TMEM132E: variants seen among roughly 807,000 people sequenced by gnomAD.
TMEM132E encodes transmembrane protein 132E.
Under a neutral mutation model 78.5 loss-of-function variants are expected in TMEM132E, and 49 were observed. The observed-to-expected ratio is 0.62, with a 90% CI of 0.50 to 0.79. TMEM132E has a LOEUF of 0.79. Among genes scored for constraint, TMEM132E ranks in the 30% least tolerant of loss-of-function variants. TMEM132E has a pLI of 0.00. For missense variants in TMEM132E, 1,403 were observed against 1,470.9 expected, an observed-to-expected ratio of 0.95 and a Z score of 0.75; for synonymous variants, 715 against 670.6, an observed-to-expected ratio of 1.07 and a Z score of -1.02.
chr17:34,610,629 G>C (rs1164573146), intron 1 of TMEM132E, among the ~76,000 whole-genome samples: 2 of 152,234 alleles, frequency 1.3e-5, no homozygotes, highest in Non-Finnish European at 2.9e-5. Flanking sequence ...CCGGTGCAAA[G>C]CAGCTGGTGT....
chr17:34,604,993 C>G (rs1906365112), intron 1 of TMEM132E, among the ~76,000 whole-genome samples: 1 of 152,132 alleles, frequency 6.6e-6, no homozygotes, highest in Non-Finnish European at 1.5e-5. Context: ...TTTATCTGAG[C>G]CCAAAACTTA....
At chr17:34,621,815 C>T (rs543661326) in intron 1 of TMEM132E, among the ~76,000 whole-genome samples, 216 of 147,586 alleles carry the variant, frequency 1.5e-3, no homozygotes, top group Non-Finnish European at 2.4e-3. Flanking sequence ...CAGGTGCCAG[C>T]CTGTGTGTGT....
intron 1 of TMEM132E, among the ~76,000 whole-genome samples, chr17:34,609,622 G>A (rs1015146686): frequency 5.9e-5 from 9 of 152,184 alleles, no homozygotes; most frequent in Admixed American, 3.9e-4. Context: ...AGGAGACAAA[G>A]ACAAGCACCA....
At chr17:34,605,415 C>T (rs1281465884) in intron 1 of TMEM132E, among the ~76,000 whole-genome samples, 1 of 152,128 alleles carries the variant, frequency 6.6e-6, no homozygotes, top group African/African-American at 2.4e-5. Flanking sequence ...GAAGGCCTTC[C>T]CTCACCATCC....
chr17:34,606,143 G>A (rs1361511766), intron 1 of TMEM132E, among the ~76,000 whole-genome samples: 7 of 152,050 alleles, frequency 4.6e-5, no homozygotes, highest in African/African-American at 7.2e-5. Flanking sequence ...TCAGGAGTTC[G>A]AGACCAGCCT....
At chr17:34,610,476 C>T (rs1906552294) in intron 1 of TMEM132E, among the ~76,000 whole-genome samples, 1 of 152,166 alleles carries the variant, frequency 6.6e-6, no homozygotes. Context: ...AGAAAAAATA[C>T]AGAATGACAG....
At chr17:34,585,120 A>C (rs543048695) in intron 1 of TMEM132E, among the ~76,000 whole-genome samples, 1 of 152,212 alleles carries the variant, frequency 6.6e-6, no homozygotes, top group Non-Finnish European at 1.5e-5. Flanking sequence ...TTCTGGCCAC[A>C]TGCAGCCGTA....
At chr17:34,602,788 T>A (rs919648886) in intron 1 of TMEM132E, among the ~76,000 whole-genome samples, 1 of 152,142 alleles carries the variant, frequency 6.6e-6, no homozygotes, top group African/African-American at 2.4e-5. Flanking sequence ...AGGAGAGAAT[T>A]AGCTGAGTTT....
rs1907567824 is a variant in TMEM132E at position 34,637,540 on chromosome 17, C to G, written c.2533C>G (p.Pro845Ala). 1.9e-6 allele frequency: 3 copies of G among 1,597,486 alleles called. No homozygotes were observed. The highest frequency in any genetic ancestry group is 2.7e-5 in the African/African-American group (2 of 74,556). The change falls in exon 9 of 9, where the codon CCG becomes GCG. Residue 845 changes from proline (P) to alanine (A), a missense_variant. Coordinates refer to ENST00000631683, the MANE Select transcript of TMEM132E (RefSeq NM_001304438.2). ...GGACGAGGCCCGGGGAGCTGGCCCG[C>G]CGGGCTCTGCGCTACCCGCACCGGA... The part of the protein sequence containing the change: ...GEDEARGAGP[P>A]GSALPAPEAP...
intron 1 of TMEM132E, among the ~76,000 whole-genome samples, chr17:34,591,876 CCT>C (rs1344083328): frequency 1.3e-5 from 2 of 152,244 alleles, no homozygotes; most frequent in East Asian, 1.9e-4. Context: ...CCTCTCCTCC[CCT>C]GTCTGCACTG....
intron 1 of TMEM132E, among the ~76,000 whole-genome samples, chr17:34,612,158 G>C (rs1906611680): frequency 6.6e-6 from 1 of 152,150 alleles, no homozygotes; most frequent in Non-Finnish European, 1.5e-5. Flanking sequence ...TCAGGAAGGG[G>C]GCTGTCCTTC....
intron 1 of TMEM132E, among the ~76,000 whole-genome samples, chr17:34,595,248 G>GTT (rs1555562046): frequency 6.6e-5 from 10 of 152,180 alleles, no homozygotes; most frequent in Non-Finnish European, 1.3e-4. Context: ...ACCTGATAGG[G>GTT]GTCACTTTTG....
intron 1 of TMEM132E, among the ~76,000 whole-genome samples, chr17:34,597,202 G>T (rs1268227846): frequency 6.6e-6 from 1 of 152,082 alleles, no homozygotes; most frequent in Non-Finnish European, 1.5e-5. Context: ...TCAGTCTGGG[G>T]ACTCCTCCAG....
chr17:34,581,800 T>C (rs1218982314), intron 1 of TMEM132E, among the ~76,000 whole-genome samples: 1 of 150,362 alleles, frequency 6.7e-6, no homozygotes, highest in Non-Finnish European at 1.5e-5. Context: ...CTCCGCGCTC[T>C]CGCATTCTGC....
At chr17:34,598,148 T>A (rs1215070406) in intron 1 of TMEM132E, among the ~76,000 whole-genome samples, 1 of 152,102 alleles carries the variant, frequency 6.6e-6, no homozygotes, top group Non-Finnish European at 1.5e-5. Context: ...TGGAGGTACC[T>A]CCCTAAGGTC....
chr17:34,630,889 C>T (rs1260180303), intron 5 of TMEM132E, among the ~76,000 whole-genome samples: 1 of 152,124 alleles, frequency 6.6e-6, no homozygotes, highest in East Asian at 1.9e-4. Flanking sequence ...GCCACCTCCC[C>T]AAGAGGGCTC....
At chr17:34,597,636 G>A (rs960312774) in intron 1 of TMEM132E, among the ~76,000 whole-genome samples, 1 of 152,188 alleles carries the variant, frequency 6.6e-6, no homozygotes, top group Non-Finnish European at 1.5e-5. Context: ...CCCCATGGAG[G>A]TGAACCCAGC....
chr17:34,613,767 A>AC (rs1567716210), intron 1 of TMEM132E, among the ~76,000 whole-genome samples: 1 of 151,896 alleles, frequency 6.6e-6, no homozygotes, highest in Non-Finnish European at 1.5e-5. Flanking sequence ...GAGCAGGTCA[A>AC]GCCTACACTC....
Position 34,629,917 on chromosome 17 carries a change from G to C in TMEM132E, c.1339-91G>C, listed in dbSNP as rs572748716. 4,072 of 1,410,948 alleles carry C rather than the reference G, an allele frequency of 2.9e-3. 12 individuals carry two copies. The highest frequency in any genetic ancestry group is 3.1e-3 in the Non-Finnish European group (3,230 of 1,056,672). The allele number at this position is 1,410,948 out of a possible 1,614,324, so 87.4% of individuals were successfully genotyped here. On this transcript the variant is annotated intron_variant, in intron 4 of 8. Coordinates refer to ENST00000631683, the MANE Select transcript of TMEM132E (RefSeq NM_001304438.2). ...GGAAGGATGTGCATCTGAGGAGTGG[G>C]GGGGGAGCGTCCAGGAGCTGGGGCC...
Sources: gnomAD v4.1 joint callset for allele counts (sites outside exome capture counted in the v4.1 genomes callset) on GRCh38, gnomAD v4.1.1 for gene constraint, MANE v1.5 for transcripts, NCBI Gene and HGNC (gene_info 2026-07-23, HGNC 2026-07-21) for gene names.